Variants in FUT8 observed in about 807,000 individuals in gnomAD.
The protein encoded by FUT8 is fucosyltransferase 8.
Under a neutral mutation model 71.3 loss-of-function variants are expected in FUT8, and 29 were observed. That is an observed-to-expected ratio of 0.41 (90% CI 0.30 to 0.55). The LOEUF (loss-of-function observed/expected upper bound fraction) is 0.55. FUT8 is among the 20% of genes least tolerant of loss of function. The pLI is 0.34. For synonymous variants in FUT8, 254 were observed against 239.3 expected (o/e 1.06, Z -0.57); for missense variants, 544 against 702.1 (o/e 0.77, Z 2.55).
At chr14:65,449,060 T>C (rs2152375) in intron 1 of FUT8, among the ~76,000 whole-genome samples, 15,083 of 152,214 alleles carry the variant, frequency 0.099, 1,005 homozygotes, top group East Asian at 0.38. Context: ...CTTACAAATT[T>C]AGGACAGATT....
chr14:65,487,579 A>C (rs933686153), intron 2 of FUT8, among the ~76,000 whole-genome samples: 3 of 152,014 alleles, frequency 2.0e-5, no homozygotes, highest in Middle Eastern at 3.4e-3. Context: ...AAAAAAAAAA[A>C]AAAAAACTCA....
At chr14:65,361,765 C>T in the FUT8 span, among the ~76,000 whole-genome samples, 11 of 151,882 alleles carry the variant, frequency 7.2e-5, no homozygotes, top group African/African-American at 1.2e-4. Context: ...CCAGCCTGGG[C>T]GACAGAGCAA....
At chr14:65,389,853 A>T in the FUT8 span, among the ~76,000 whole-genome samples, 1 of 151,540 alleles carries the variant, frequency 6.6e-6, no homozygotes, top group East Asian at 1.9e-4. Context: ...AATAGTATAT[A>T]CATACTATAT....
At chr14:65,548,082 C>T (rs767645939) in intron 2 of FUT8, among the ~76,000 whole-genome samples, 1 of 151,906 alleles carries the variant, frequency 6.6e-6, no homozygotes, top group Non-Finnish European at 1.5e-5. Context: ...TGTTGAATGT[C>T]CCCAGATGAG....
chr14:65,444,530 G>T (rs530256416), intron 1 of FUT8, among the ~76,000 whole-genome samples: 1 of 152,236 alleles, frequency 6.6e-6, no homozygotes, highest in South Asian at 2.1e-4. Flanking sequence ...AACCCAAATG[G>T]TAATGTACAT....
chr14:65,416,179 C>T (rs550545999), intron 1 of FUT8, among the ~76,000 whole-genome samples: 1 of 151,414 alleles, frequency 6.6e-6, no homozygotes, highest in East Asian at 1.9e-4. Flanking sequence ...CATATTATAG[C>T]AAATTGATAA....
intron 6 of FUT8, among the ~76,000 whole-genome samples, chr14:65,633,006 C>T (rs1890280438): frequency 9.2e-6 from 1 of 109,120 alleles, no homozygotes; most frequent in Non-Finnish European, 1.8e-5. Context: ...CTCTCCCCTC[C>T]CCCCCCCCGT....
Position 65,479,476 on chromosome 14 carries a change from T to A in FUT8, c.-228+23758T>A, listed in dbSNP as rs377322014. ...TGGTGGAAAGGATCTCTTAGTTTGT[T>A]GGGATCTCTTTGATTATGAGTGAGA... On this transcript the variant is annotated intron_variant, in intron 2 of 10. Coordinates refer to ENST00000673929, the MANE Select transcript of FUT8 (RefSeq NM_001371533.1). Among the ~76,000 whole-genome samples, 86 of 152,320 alleles carry A rather than the reference T, an allele frequency of 5.6e-4. No homozygotes were observed. The South Asian group carries it at 0.017, about 30-fold the overall frequency.
chr14:65,587,324 G>A (rs1022018894), intron 3 of FUT8, among the ~76,000 whole-genome samples: 2 of 152,178 alleles, frequency 1.3e-5, no homozygotes, highest in Admixed American at 6.5e-5. Context: ...GAGAAAAAGT[G>A]AAGTTCAGAA....
chr14:65,363,158 G>C, the FUT8 span, among the ~76,000 whole-genome samples: 22 of 152,100 alleles, frequency 1.4e-4, no homozygotes, highest in Admixed American at 1.4e-3. Flanking sequence ...ATCTCACTCT[G>C]TCTCCTAGGC....
chr14:65,739,973 T>C (rs1896411795), intron 10 of FUT8, among the ~76,000 whole-genome samples: 1 of 152,050 alleles, frequency 6.6e-6, no homozygotes, highest in East Asian at 1.9e-4. Context: ...TCAGTAAATA[T>C]TAGCCTCTGT....
chr14:65,720,761 T>A (rs1895373659), intron 7 of FUT8, among the ~76,000 whole-genome samples: 1 of 152,140 alleles, frequency 6.6e-6, no homozygotes, highest in South Asian at 2.1e-4. Context: ...CAGCCTATAG[T>A]GGTGCGGCTT....
At chr14:65,560,750 T>C (rs1031064082) in intron 2 of FUT8, among the ~76,000 whole-genome samples, 1 of 152,140 alleles carries the variant, frequency 6.6e-6, no homozygotes, top group African/African-American at 2.4e-5. Flanking sequence ...CTTCTGATAT[T>C]TGGAATGACT....
chr14:65,474,507 G>T (rs960778967), intron 2 of FUT8, among the ~76,000 whole-genome samples: 1 of 144,676 alleles, frequency 6.9e-6, no homozygotes, highest in Admixed American at 7.3e-5. Context: ...ATGGGGCTGG[G>T]CGAATCGCTT....
chr14:65,385,282 T>C, the FUT8 span, among the ~76,000 whole-genome samples: 1 of 152,184 alleles, frequency 6.6e-6, no homozygotes, highest in African/African-American at 2.4e-5. Context: ...TAAAAATCAC[T>C]AGCTTTTTCC....
chr14:65,548,490 GA>G (rs1885100214), intron 2 of FUT8, among the ~76,000 whole-genome samples: 1 of 151,696 alleles, frequency 6.6e-6, no homozygotes, highest in South Asian at 2.1e-4. Context: ...AGGCCATCTT[GA>G]TTTTTTTTTT....
intron 7 of FUT8, among the ~76,000 whole-genome samples, chr14:65,690,501 C>T (rs920186212): frequency 6.6e-6 from 1 of 152,108 alleles, no homozygotes; most frequent in African/African-American, 2.4e-5. Flanking sequence ...ATTGAGTCTT[C>T]TATCCATGAA....
At chr14:65,401,146 G>A in the FUT8 span, among the ~76,000 whole-genome samples, 1 of 152,162 alleles carries the variant, frequency 6.6e-6, no homozygotes, top group African/African-American at 2.4e-5. Context: ...AACAACACAC[G>A]GGGGAATTTG....
Position 65,437,564 on chromosome 14 carries a change from G to A in FUT8, c.-325-18057G>A, listed in dbSNP as rs184441540. Among the ~76,000 whole-genome samples, 24 of 152,228 alleles carry A rather than the reference G, an allele frequency of 1.6e-4. 1 individual carries two copies. Among genetic ancestry groups the A allele is most frequent in the Middle Eastern group, 3.4e-3 (1 of 294 alleles). On this transcript the variant is annotated intron_variant, in intron 1 of 10. Transcript: ENST00000673929. Reference sequence around the variant, plus strand: ...AATACGTCACCTAATGTTTAGGGTCGTAGAAATGCAATTTACTGTTTTGGG... The same window carrying A: ...AATACGTCACCTAATGTTTAGGGTCATAGAAATGCAATTTACTGTTTTGGG...
Sources: allele counts gnomAD v4.1 joint callset (sites outside exome capture counted in the v4.1 genomes callset), GRCh38; gene constraint gnomAD v4.1.1; transcripts MANE v1.5; gene names NCBI Gene and HGNC (gene_info 2026-07-23, HGNC 2026-07-21).